Variants in TMEM108 observed in about 807,000 individuals in gnomAD.
The protein encoded by TMEM108 is cancer/testis antigen 124.
A neutral mutation model predicts 35.1 loss-of-function variants in TMEM108; 12 were observed. That is an observed-to-expected ratio of 0.34 (90% CI 0.22 to 0.55). TMEM108 has a LOEUF of 0.55. Among genes scored for constraint, TMEM108 ranks in the 20% least tolerant of loss-of-function variants. TMEM108 has a pLI of 0.89. For missense variants in TMEM108, 680 were observed against 753.3 expected (o/e 0.90, Z 1.14); for synonymous variants, 287 against 308.6 (o/e 0.93, Z 0.73).
chr3:133,202,859 T>C (rs1379068175), intron 2 of TMEM108, among the ~76,000 whole-genome samples: 1 of 152,232 alleles, frequency 6.6e-6, no homozygotes, highest in Non-Finnish European at 1.5e-5. Context: ...GGGGATATCA[T>C]TGAATCTATA....
chr3:133,269,671 G>A (rs944090951), intron 3 of TMEM108, among the ~76,000 whole-genome samples: 2 of 152,230 alleles, frequency 1.3e-5, no homozygotes, highest in African/African-American at 4.8e-5. Flanking sequence ...TATTGAGTCA[G>A]TTTTTAATTG....
chr3:133,156,368 A>C (rs773680099), intron 2 of TMEM108, among the ~76,000 whole-genome samples: 1 of 152,226 alleles, frequency 6.6e-6, no homozygotes, highest in Non-Finnish European at 1.5e-5. Context: ...GTATATAGGA[A>C]GAGATGAGTA....
intron 3 of TMEM108, among the ~76,000 whole-genome samples, chr3:133,309,555 C>T (rs966572186): frequency 7.2e-5 from 11 of 151,942 alleles, no homozygotes; most frequent in Non-Finnish European, 1.5e-4. Flanking sequence ...GATTCTGGTA[C>T]GTCGTGTCTT....
At chr3:133,186,068 G>T (rs1945417031) in intron 2 of TMEM108, among the ~76,000 whole-genome samples, 1 of 152,006 alleles carries the variant, frequency 6.6e-6, no homozygotes, top group Admixed American at 6.5e-5. Flanking sequence ...GTGCCCAGCT[G>T]GGGCCTTGCA....
chr3:133,323,324 G>C (rs1309606760), intron 3 of TMEM108, among the ~76,000 whole-genome samples: 1 of 152,158 alleles, frequency 6.6e-6, no homozygotes, highest in Non-Finnish European at 1.5e-5. Context: ...AATGAATTCA[G>C]TAAAGTTTCA....
intron 2 of TMEM108, among the ~76,000 whole-genome samples, chr3:133,146,443 C>T (rs969442672): frequency 4.6e-5 from 7 of 151,994 alleles, no homozygotes; most frequent in Non-Finnish European, 5.9e-5. Flanking sequence ...GTAGTGTTTC[C>T]GACAGGTTTT....
At chr3:133,274,827 G>A (rs1576426817) in intron 3 of TMEM108, among the ~76,000 whole-genome samples, 1 of 152,142 alleles carries the variant, frequency 6.6e-6, no homozygotes, top group African/African-American at 2.4e-5. Flanking sequence ...CAGGGGGTTA[G>A]ACACATTCCC....
rs370772056 is a variant in TMEM108, at chr3:133,388,433, C to A, written c.1451-1747C>A. 8.7e-5 allele frequency: 86 copies of A among 985,402 alleles called. No homozygotes were observed. The African/African-American group carries it at 1.5e-3, about 17-fold the overall frequency. The allele number at this position is 985,402 out of a possible 1,614,324, so 61.0% of individuals were successfully genotyped here. On this transcript the variant is annotated intron_variant, in intron 4 of 5. Transcript: ENST00000321871. Reference sequence around the variant, plus strand: ...AAGTTTCAGGCTGAGCACCACAGCCCCCTCCTTGCCCCTTTCCTCTTCAAC... The same window carrying A: ...AAGTTTCAGGCTGAGCACCACAGCCACCTCCTTGCCCCTTTCCTCTTCAAC...
chr3:133,315,393 G>A (rs1471003992), intron 3 of TMEM108, among the ~76,000 whole-genome samples: 1 of 152,096 alleles, frequency 6.6e-6, no homozygotes, highest in East Asian at 1.9e-4. Context: ...AAATGACTTT[G>A]AAACACAGAA....
intron 2 of TMEM108, among the ~76,000 whole-genome samples, chr3:133,078,537 C>T (rs1365920070): frequency 6.6e-6 from 1 of 152,116 alleles, no homozygotes; most frequent in Non-Finnish European, 1.5e-5. Flanking sequence ...AGTTACAAGG[C>T]TGTAACCCTC....
At chr3:133,305,431 G>T (rs1363828287) in intron 3 of TMEM108, among the ~76,000 whole-genome samples, 1 of 151,472 alleles carries the variant, frequency 6.6e-6, no homozygotes, top group African/African-American at 2.4e-5. Context: ...GAGTTAATGG[G>T]TGCAGCGCAC....
rs535701439 is a variant in TMEM108 at position 133,380,493 on chromosome 3, A to C, written c.782A>C (p.Asn261Thr). Residue 261 changes from asparagine (N) to threonine (T), a missense_variant, in exon 4 of 6, where the codon AAT becomes ACT. Around this residue, in one of 3 missense-constraint regions of TMEM108, gnomAD observed 526 missense variants for 532.1 expected, o/e 0.99. Coordinates refer to ENST00000321871, the MANE Select transcript of TMEM108 (RefSeq NM_023943.4). The surrounding 1 kb of genome is among the most constrained non-coding windows in gnomAD (Gnocchi z 5.3). Reference protein sequence around the residue: ...QTVAATTVPSNTSWAPTTTSL... With the variant: ...QTVAATTVPSTTSWAPTTTSL... ...GTGGCTGCGACCACAGTGCCCAGCA[A>C]TACCTCATGGGCACCCACCACCACC... is the stretch of plus-strand genomic sequence containing the variant. The C allele has an allele frequency of 1.9e-6, 3 of 1,613,890 alleles. No individual in the cohort carries two copies. The highest frequency in any genetic ancestry group is 2.5e-6 in the Non-Finnish European group (3 of 1,179,958).
intron 2 of TMEM108, among the ~76,000 whole-genome samples, chr3:133,098,128 A>C (rs1381513030): frequency 1.3e-5 from 2 of 152,220 alleles, no homozygotes; most frequent in Non-Finnish European, 2.9e-5. Context: ...CTGGGAACAA[A>C]AAGAGGTTTA....
rs930099183 is a variant in TMEM108 at position 133,364,887 on chromosome 3, A to AG, written c.41-14858dup. Among the ~76,000 whole-genome samples, 11 of 152,266 alleles carry AG rather than the reference A, an allele frequency of 7.2e-5. No individual in the cohort carries two copies. The East Asian group carries it at 1.5e-3, about 21-fold the overall frequency. On this transcript the variant is annotated intron_variant, in intron 3 of 5. Transcript: ENST00000321871. Reference sequence around the variant, plus strand: ...GAAAGTAAGAGAAGCCGGATCAGGCAGGGGGGGAAGTTGGGCTGCAACACA... The same window carrying AG: ...GAAAGTAAGAGAAGCCGGATCAGGCAGGGGGGGGAAGTTGGGCTGCAACACA...
chr3:133,080,455 G>C (rs1374073664), intron 2 of TMEM108, among the ~76,000 whole-genome samples: 5 of 152,146 alleles, frequency 3.3e-5, no homozygotes, highest in Non-Finnish European at 7.4e-5. Context: ...GTTACCTTTG[G>C]TCTTGACAAT....
intron 2 of TMEM108, among the ~76,000 whole-genome samples, chr3:133,169,549 T>C (rs1945097435): frequency 1.3e-5 from 2 of 152,214 alleles, no homozygotes; most frequent in Non-Finnish European, 2.9e-5. Context: ...ATTCAGTTGT[T>C]GTGGAAGGAG....
intron 2 of TMEM108, among the ~76,000 whole-genome samples, chr3:133,124,358 A>G (rs1188215754): frequency 1.3e-5 from 2 of 152,160 alleles, no homozygotes; most frequent in African/African-American, 4.8e-5. Flanking sequence ...GGAGGCAGCT[A>G]TTGATAATTT....
At chr3:133,343,558 T>G (rs141010073) in intron 3 of TMEM108, among the ~76,000 whole-genome samples, 120 of 151,974 alleles carry the variant, frequency 7.9e-4, no homozygotes, top group Admixed American at 2.6e-3. Context: ...AGAACAAGGT[T>G]GCTGATTTGT....
intron 2 of TMEM108, among the ~76,000 whole-genome samples, chr3:133,180,830 C>G (rs970327266): frequency 2.0e-5 from 3 of 151,882 alleles, no homozygotes; most frequent in African/African-American, 7.3e-5. Context: ...CAACTTACTC[C>G]TCATGTCCTG....
Sources: allele counts gnomAD v4.1 joint callset (sites outside exome capture counted in the v4.1 genomes callset), GRCh38; gene constraint gnomAD v4.1.1; regional missense constraint gnomAD v4.1.1; non-coding constraint Gnocchi (gnomAD v3.1); transcripts MANE v1.5; gene names NCBI Gene and HGNC (gene_info 2026-07-23, HGNC 2026-07-21).